The following MLKL variants were observed in gnomAD, a reference collection of about 807,000 sequenced individuals.
MLKL encodes mixed lineage kinase domain-like protein.
A neutral mutation model predicts 56.5 loss-of-function variants in MLKL; 55 were observed. The ratio of observed to expected loss-of-function variants is 0.97; its 90% CI spans 0.78 to 1.22. The LOEUF is 1.22. Ranked by LOEUF, MLKL falls within the 50% of genes most tolerant of loss-of-function variation. The pLI is 0.00. For missense variants in MLKL, 694 were observed against 573.9 expected (o/e 1.21, Z -2.14); for synonymous variants, 251 against 208.3 (o/e 1.20, Z -1.76).
chr16:74,697,047 A>T (rs1961090201), intron 1 of MLKL, among the ~76,000 whole-genome samples: 1 of 147,840 alleles, frequency 6.8e-6, no homozygotes. Flanking sequence ...ATAATATTAC[A>T]TATATATTAT....
chr16:74,695,812 C>G (rs768719125), intron 1 of MLKL, 53 bp from the exon 2 acceptor site: 1 of 1,453,846 alleles, frequency 6.9e-7, no homozygotes, highest in Non-Finnish European at 9.3e-7. Context: ...TGCATATTCA[C>G]TACTTGGCTA....
chr16:74,676,403 CA>C, intron 7 of MLKL: 1 of 985,466 alleles, frequency 1.0e-6, no homozygotes, highest in Non-Finnish European at 1.2e-6. Flanking sequence ...CTGCCAGCCC[CA>C]AACTCAGCCA....
rs930169891 is a variant in MLKL, at chr16:74,700,534, G to T, written c.-84C>A. On this transcript the variant is annotated 5_prime_UTR_variant, in exon 1 of 11. Transcript: ENST00000308807. ...CTCGCTCTTCCACCTTCTTTCCCAC[G>T]ACCGCCTCCTGCCCAGGCGAGAAGT... 1.3e-5 allele frequency: 2 copies of T among 153,030 alleles called. No homozygotes were observed. Among genetic ancestry groups the T allele is most frequent in the Admixed American group, 1.3e-4 (2 of 15,290 alleles). 9.5% of individuals were successfully genotyped at this position (153,030 alleles called of 1,614,324 possible). A position where few individuals can be genotyped will look rare whatever the true frequency, so the allele number is the denominator to read the frequency against.
At chr16:74,700,000 C>CTA (rs1961287356) in intron 1 of MLKL, among the ~76,000 whole-genome samples, 1 of 152,004 alleles carries the variant, frequency 6.6e-6, no homozygotes, top group Non-Finnish European at 1.5e-5. Flanking sequence ...GATGAGAAAA[C>CTA]AGGTTACTAA....
chr16:74,692,253 T>C (rs564256247), intron 3 of MLKL, 89 bp downstream of exon 3: 5 of 1,191,144 alleles, frequency 4.2e-6, no homozygotes, highest in South Asian at 2.6e-5. Context: ...AATGGACAAA[T>C]GCAGGGGTAG....
At chr16:74,690,335 A>G (rs1273031233) in intron 4 of MLKL, among the ~76,000 whole-genome samples, 35 of 152,188 alleles carry the variant, frequency 2.3e-4, no homozygotes, top group Non-Finnish European at 1.5e-5. Flanking sequence ...GTTGCCTGGT[A>G]GTACTTAGTC....
At chr16:74,673,898 A>G (rs1597476036) in intron 10 of MLKL, among the ~76,000 whole-genome samples, 1 of 146,182 alleles carries the variant, frequency 6.8e-6, no homozygotes, top group Admixed American at 7.2e-5. Context: ...CCATGATCCT[A>G]CCTGTCAATA....
At chr16:74,676,887 G>C (rs1333578719) in intron 7 of MLKL, 1 of 152,174 alleles carries the variant, frequency 6.6e-6, no homozygotes, top group African/African-American at 2.4e-5. Flanking sequence ...CTGGAAATCT[G>C]ATACAGGTAG....
In MLKL at chr16:74,691,329, T is replaced by C; in HGVS notation, c.670A>G (p.Arg224Gly). The C allele has an allele frequency of 1.2e-6, 2 of 1,613,650 alleles. No homozygotes were observed. The highest frequency in any genetic ancestry group is 1.7e-6 in the Non-Finnish European group (2 of 1,179,890). ...AATACTTTTATGGCCACTGGAGCTC[T>C]GTGGTATTCTCCTTTATAAAGTGTG... Reference protein sequence around the residue: ...VSTLYKGEYHRAPVAIKVFKK... With the variant: ...VSTLYKGEYHGAPVAIKVFKK... Residue 224 changes from arginine (R) to glycine (G), a missense_variant, in exon 4 of 11, where the codon AGA becomes GGA. Arg to Gly is a moderately radical substitution (Grantham distance 125, BLOSUM62 -2). Transcript: ENST00000308807.
At chr16:74,678,861 C>G (rs1261544527) in intron 7 of MLKL, 38 bp downstream of exon 7, 3 of 1,501,646 alleles carry the variant, frequency 2.0e-6, no homozygotes, top group Admixed American at 1.7e-5. Flanking sequence ...ACCAGTCATG[C>G]AGGTTTGACC....
chr16:74,689,992 G>A (rs1245263273), intron 4 of MLKL, among the ~76,000 whole-genome samples: 1 of 152,118 alleles, frequency 6.6e-6, no homozygotes, highest in Non-Finnish European at 1.5e-5. Context: ...CACCTCCAGA[G>A]CACAAATAAA....
intron 7 of MLKL, chr16:74,676,595 T>G: frequency 2.2e-6 from 1 of 448,544 alleles, no homozygotes; most frequent in South Asian, 9.4e-5. Flanking sequence ...ATAGTCAGGC[T>G]GCATGAAGAG....
intron 4 of MLKL, 38 bp from the exon 5 acceptor site, chr16:74,685,621 T>A: frequency 6.5e-7 from 1 of 1,541,562 alleles, no homozygotes; most frequent in Non-Finnish European, 9.0e-7. Context: ...ATTTCAGAAC[T>A]GGAAGGTTCC....
chr16:74,694,139 T>G (rs1416725834), intron 2 of MLKL, among the ~76,000 whole-genome samples: 2 of 152,214 alleles, frequency 1.3e-5, no homozygotes, highest in African/African-American at 4.8e-5. Flanking sequence ...GTGCTTGGCA[T>G]GATGCTGACT....
In MLKL at chr16:74,691,425, G is replaced by C. The variant is rs746131233; in HGVS notation, c.574C>G (p.Gln192Glu). 5 of 1,613,850 alleles carry C rather than the reference G, an allele frequency of 3.1e-6. No individual in the cohort carries two copies. Among genetic ancestry groups the C allele is most frequent in the African/African-American group, 1.3e-5 (1 of 74,888 alleles). Residue 192 changes from glutamine (Q) to glutamate (E), a missense_variant, in exon 4 of 11, where the codon CAA becomes GAA. By Grantham distance (29) the Gln-to-Glu change is conservative. Transcript: ENST00000308807. Reference protein sequence around the residue: ...PKCMQEIPQEQIKEIKKEQLS... With the variant: ...PKCMQEIPQEEIKEIKKEQLS... ...TGCTCCTTCTTGATCTCCTTGATTT[G>C]CTCTTGCGGGATCTCCTGCATGCAT...
intron 4 of MLKL, among the ~76,000 whole-genome samples, chr16:74,687,953 G>C (rs1306559090): frequency 6.6e-6 from 1 of 152,112 alleles, no homozygotes; most frequent in Non-Finnish European, 1.5e-5. Flanking sequence ...AGCCTCCTGA[G>C]TAGCTGGGAC....
chr16:74,674,124 G>A (rs1286084553), intron 10 of MLKL, among the ~76,000 whole-genome samples: 1 of 151,552 alleles, frequency 6.6e-6, no homozygotes, highest in Non-Finnish European at 1.5e-5. Flanking sequence ...GTGGTGGGCT[G>A]TCCTATGCGT....
Position 74,685,406 on chromosome 16 carries a change from A to T in MLKL, c.820+80T>A, listed in dbSNP as rs997888036. On this transcript the variant is annotated intron_variant, in intron 5 of 10. Coordinates refer to ENST00000308807, the MANE Select transcript of MLKL (RefSeq NM_152649.4). ...GATTCCACCCTTTGTGATGTTCTTT[A>T]AAAAAATGCAACACATTAAAACACA... 9 of 1,031,150 alleles carry T rather than the reference A, an allele frequency of 8.7e-6. No homozygotes were observed. The Admixed American group carries it at 1.7e-4, about 19-fold the overall frequency. 63.9% of individuals were successfully genotyped at this position (1,031,150 alleles called of 1,614,324 possible). A position where few individuals can be genotyped will look rare whatever the true frequency, so the allele number is the denominator to read the frequency against.
chr16:74,698,262 T>TG (rs1961169968), intron 1 of MLKL, among the ~76,000 whole-genome samples: 1 of 149,146 alleles, frequency 6.7e-6, no homozygotes, highest in Admixed American at 6.7e-5. Flanking sequence ...CAAAGTTAGT[T>TG]TTTTTTTTTT....
Sources: gnomAD v4.1 joint callset for allele counts (sites outside exome capture counted in the v4.1 genomes callset) on GRCh38, gnomAD v4.1.1 for gene constraint, MANE v1.5 for transcripts, NCBI Gene and HGNC (gene_info 2026-07-23, HGNC 2026-07-21) for gene names.